The following ADCY8 variants were observed in gnomAD, a reference collection of about 807,000 sequenced individuals.
ADCY8 encodes the protein adenylate cyclase type 8.
ADCY8 carries 51 observed loss-of-function variants against 119.7 expected under a neutral mutation model. The ratio of observed to expected loss-of-function variants is 0.43; its 90% CI spans 0.34 to 0.54. ADCY8 has a LOEUF of 0.54. Ranked by LOEUF, ADCY8 falls within the 20% of genes least tolerant of loss-of-function variation. The pLI is 0.03. For missense variants in ADCY8, 1,383 were observed against 1,598.8 expected, an observed-to-expected ratio of 0.87 and a Z score of 2.30; for synonymous variants, 665 against 651.0, an observed-to-expected ratio of 1.02 and a Z score of -0.33.
chr8:130,908,654 T>G (rs1819868891), intron 6 of ADCY8, among the ~76,000 whole-genome samples: 1 of 152,184 alleles, frequency 6.6e-6, no homozygotes, highest in Non-Finnish European at 1.5e-5. Context: ...ATAAGTAGTA[T>G]TATCTCTCTT....
intron 1 of ADCY8, among the ~76,000 whole-genome samples, chr8:131,008,219 A>G (rs4407864): frequency 6.6e-6 from 1 of 152,018 alleles, no homozygotes; most frequent in Admixed American, 6.5e-5. Flanking sequence ...CACCCCTCCA[A>G]ACAAATTTGG....
intron 5 of ADCY8, among the ~76,000 whole-genome samples, chr8:130,930,130 A>T (rs1167729426): frequency 6.6e-6 from 1 of 152,170 alleles, no homozygotes; most frequent in Non-Finnish European, 1.5e-5. Context: ...TTTACATTAC[A>T]TGTAGAGACT....
chr8:131,028,865 G>C (rs1291931622), intron 1 of ADCY8, among the ~76,000 whole-genome samples: 1 of 152,194 alleles, frequency 6.6e-6, no homozygotes, highest in African/African-American at 2.4e-5. Flanking sequence ...GGAAGTGTGG[G>C]AGTACCTCCT....
At chr8:130,945,275 A>C (rs1246207480) in intron 3 of ADCY8, among the ~76,000 whole-genome samples, 1 of 152,244 alleles carries the variant, frequency 6.6e-6, no homozygotes, top group Non-Finnish European at 1.5e-5. Flanking sequence ...TTTGTCCTGA[A>C]AGTGATGGAA....
At chr8:130,976,689 A>G (rs903534030) in intron 2 of ADCY8, among the ~76,000 whole-genome samples, 2 of 152,212 alleles carry the variant, frequency 1.3e-5, no homozygotes, top group Admixed American at 6.5e-5. Context: ...CATTTATTCA[A>G]GAAGATCATA....
At chr8:130,812,468 G>A (rs1563674821) in intron 14 of ADCY8, among the ~76,000 whole-genome samples, 1 of 152,174 alleles carries the variant, frequency 6.6e-6, no homozygotes, top group Non-Finnish European at 1.5e-5. Flanking sequence ...ACTCAATTAG[G>A]GTGAGCCCTA....
intron 9 of ADCY8, among the ~76,000 whole-genome samples, chr8:130,850,509 C>T (rs1817488188): frequency 6.6e-6 from 1 of 152,112 alleles, no homozygotes; most frequent in Non-Finnish European, 1.5e-5. Flanking sequence ...CTATTTATCA[C>T]CATGCAATCT....
chr8:130,951,408 G>A (rs1312137958), intron 3 of ADCY8, among the ~76,000 whole-genome samples: 1 of 152,156 alleles, frequency 6.6e-6, no homozygotes, highest in Non-Finnish European at 1.5e-5. Context: ...ATAGATGGAT[G>A]GGTGGATGGA....
intron 7 of ADCY8, chr8:130,892,031 A>G (rs1374160757): frequency 6.6e-6 from 1 of 152,116 alleles, no homozygotes; most frequent in Non-Finnish European, 1.5e-5. Flanking sequence ...AAAGCAAATG[A>G]ATGTTTAACG....
chr8:130,802,236 C>T (rs1563670222), intron 14 of ADCY8, among the ~76,000 whole-genome samples: 1 of 152,110 alleles, frequency 6.6e-6, no homozygotes. Flanking sequence ...AATGAGAGAC[C>T]CTTAGAGTCA....
intron 2 of ADCY8, among the ~76,000 whole-genome samples, chr8:130,953,056 T>C (rs2130662055): frequency 6.6e-6 from 1 of 152,334 alleles, no homozygotes; most frequent in African/African-American, 2.4e-5. Context: ...ATGAATTAAA[T>C]TCTAAAAAGT....
chr8:131,014,183 C>G (rs980925988), intron 1 of ADCY8, among the ~76,000 whole-genome samples: 1 of 152,212 alleles, frequency 6.6e-6, no homozygotes, highest in African/African-American at 2.4e-5. Context: ...TTAACCTCTA[C>G]AGCAGGGAAT....
chr8:130,801,605 G>T (rs1015914339), intron 14 of ADCY8, among the ~76,000 whole-genome samples: 6 of 152,104 alleles, frequency 3.9e-5, no homozygotes, highest in African/African-American at 1.4e-4. Context: ...GACACTTGTG[G>T]CTATCAACTA....
chr8:130,905,109 G>C (rs749109716), intron 6 of ADCY8, among the ~76,000 whole-genome samples: 17 of 152,222 alleles, frequency 1.1e-4, no homozygotes, highest in Non-Finnish European at 2.1e-4. Context: ...ATTATTCTAC[G>C]AGTTGATTTG....
At position 130,846,515 on chromosome 8, in the gene ADCY8, TCTCC is replaced by T. The variant is rs1309420269; in HGVS notation, c.2502+905_2502+908del. On this transcript the variant is annotated intron_variant, in intron 11 of 17. Coordinates refer to ENST00000286355, the MANE Select transcript of ADCY8 (RefSeq NM_001115.3). ...TCCTCCCTCTCTTCCTTCTTCCCTCTCTCCCTCCCTCCCTCCCTTCCTTCCTTCC... is the reference window on the plus strand; with the variant it reads ...TCCTCCCTCTCTTCCTTCTTCCCTCTCTCCCTCCCTCCCTTCCTTCCTTCC... 1.8e-4 allele frequency among the ~76,000 whole-genome samples: 26 copies of T among 148,496 alleles called. 1 individual carries two copies. Among genetic ancestry groups the T allele is most frequent in the East Asian group, 4.0e-4 (2 of 5,044 alleles).
intron 2 of ADCY8, 122 bp from the exon 3 acceptor site, chr8:130,952,120 C>A: frequency 9.1e-7 from 1 of 1,094,500 alleles, no homozygotes. Context: ...TAATTTCATA[C>A]CATTCTATGA....
At chr8:130,815,700 C>T (rs1381500793) in intron 13 of ADCY8, among the ~76,000 whole-genome samples, 1 of 152,240 alleles carries the variant, frequency 6.6e-6, no homozygotes, top group Non-Finnish European at 1.5e-5. Flanking sequence ...GAAAGGATTA[C>T]AGATTTAGTT....
intron 5 of ADCY8, among the ~76,000 whole-genome samples, chr8:130,922,643 C>A (rs928029474): frequency 6.6e-6 from 1 of 152,278 alleles, no homozygotes; most frequent in East Asian, 1.9e-4. Context: ...TCCGATTTCT[C>A]AATCTTTTCC....
intron 5 of ADCY8, among the ~76,000 whole-genome samples, chr8:130,921,256 G>C (rs1820292564): frequency 6.6e-6 from 1 of 151,970 alleles, no homozygotes; most frequent in Non-Finnish European, 1.5e-5. Flanking sequence ...TTAAGAAGTG[G>C]AGGTTCCCAT....
Sources: gnomAD v4.1 joint callset for allele counts (sites outside exome capture counted in the v4.1 genomes callset) on GRCh38, gnomAD v4.1.1 for gene constraint, MANE v1.5 for transcripts, NCBI Gene and HGNC (gene_info 2026-07-23, HGNC 2026-07-21) for gene names.